The following TBC1D26 variants were observed in gnomAD, a reference collection of about 807,000 sequenced individuals.
TBC1D26 encodes TBC1 domain family member 26, also known as TBC1 domain family, member 26.
TBC1D26 carries 19 observed loss-of-function variants against 42.5 expected under a neutral mutation model. The observed-to-expected ratio is 0.45, with a 90% CI of 0.31 to 0.66. TBC1D26 has a LOEUF of 0.66. Ranked by LOEUF, TBC1D26 falls within the 30% of genes least tolerant of loss-of-function variation. TBC1D26 has a pLI of 0.06. For synonymous variants in TBC1D26, 97 were observed against 123.5 expected (o/e 0.79, Z 1.42); for missense variants, 228 against 332.6 (o/e 0.69, Z 2.45).
At chr17:15,738,499 C>CAG (rs1967685525) in intron 7 of TBC1D26, 112 bp downstream of exon 7, 1 of 1,385,344 alleles carries the variant, frequency 7.2e-7, no homozygotes, top group South Asian at 1.3e-5. Flanking sequence ...GGGCTGTGGT[C>CAG]AGACGCACAT....
chr17:15,740,911 C>T (rs1967758723), intron 9 of TBC1D26: 1 of 667,530 alleles, frequency 1.5e-6, no homozygotes, highest in Admixed American at 3.0e-5. Flanking sequence ...TGCAGGAGTC[C>T]CCCCATGCTC....
chr17:15,736,841 G>T (rs545716923), intron 4 of TBC1D26, among the ~76,000 whole-genome samples: 207 of 152,384 alleles, frequency 1.4e-3, no homozygotes, highest in Non-Finnish European at 2.6e-3. Context: ...TCACTCAGAG[G>T]TTCTGAAAGG....
At chr17:15,740,447 G>A (rs1967747510) in intron 9 of TBC1D26, 10 of 1,355,326 alleles carry the variant, frequency 7.4e-6, no homozygotes, top group African/African-American at 1.5e-5. Flanking sequence ...GGTTTGACAA[G>A]TTGCTGAGGT....
chr17:15,737,553 C>G (rs1967650544), intron 5 of TBC1D26, 30 bp downstream of exon 5: 2 of 1,604,654 alleles, frequency 1.2e-6, no homozygotes, highest in Middle Eastern at 2.0e-4. Context: ...GCGTGGGAGG[C>G]TGCTTCAGGG....
At chr17:15,736,834 C>A (rs1967626032) in intron 4 of TBC1D26, among the ~76,000 whole-genome samples, 1 of 152,286 alleles carries the variant, frequency 6.6e-6, no homozygotes, top group East Asian at 1.9e-4. Context: ...GGAGGTCTCA[C>A]TCAGAGGTTC....
At chr17:15,740,307 C>T (rs1413406555) in intron 9 of TBC1D26, 159 bp downstream of exon 9, 3 of 1,586,290 alleles carry the variant, frequency 1.9e-6, no homozygotes, top group South Asian at 2.3e-5. Flanking sequence ...AGGGCTGAAG[C>T]CCAGACTCCT....
intron 8 of TBC1D26, among the ~76,000 whole-genome samples, 169 bp downstream of exon 8, chr17:15,738,999 T>G (rs530063375): frequency 3.4e-5 from 5 of 145,516 alleles, no homozygotes; most frequent in Admixed American, 2.8e-4. Flanking sequence ...CTCCCGGCTC[T>G]AAGCTCTGGG....
chr17:15,735,268 T>C, intron 2 of TBC1D26, 80 bp from the exon 3 acceptor site: 1 of 1,118,794 alleles, frequency 8.9e-7, no homozygotes, highest in Non-Finnish European at 1.3e-6. Flanking sequence ...GGAGTGTGTC[T>C]GGGAGTGCAG....
chr17:15,738,575 A>C, intron 7 of TBC1D26, 146 bp from the exon 8 acceptor site: 3 of 1,442,864 alleles, frequency 2.1e-6, no homozygotes, highest in Non-Finnish European at 2.9e-6. Context: ...CCCTGGTGTC[A>C]GAAACAAGGT....
chr17:15,741,452 G>T, intron 10 of TBC1D26: 1 of 670,384 alleles, frequency 1.5e-6, no homozygotes, highest in Non-Finnish European at 2.4e-6. Context: ...TAACATCAGA[G>T]GGCATGGATA....
At chr17:15,738,676 T>C (rs1443098296) in intron 7 of TBC1D26, 45 bp from the exon 8 acceptor site, 6 of 1,613,812 alleles carry the variant, frequency 3.7e-6, no homozygotes, top group Non-Finnish European at 5.1e-6. Flanking sequence ...AGGGAGTCTT[T>C]TGTCTGTTCT....
At position 15,740,129 on chromosome 17, in the gene TBC1D26, C is replaced by T. The variant is rs758806406; in HGVS notation, c.527C>T (p.Ala176Val). The T allele has an allele frequency of 3.1e-5, 50 of 1,613,974 alleles. No individual in the cohort carries two copies. In the Middle Eastern group the frequency reaches 1.8e-3, roughly 58 times the overall value. The change falls in exon 9 of 15, where the codon GCC (alanine) becomes GTC (valine). Residue 176 changes from alanine (A) to valine (V), a missense_variant. By Grantham distance (64) the Ala-to-Val change is moderately conservative. This residue lies in a region of TBC1D26 where 130 missense variants were observed against 168.5 expected (regional missense o/e 0.77). Transcript: ENST00000437605. ...CAGGAATTATGTGACATCCTCGTGG[C>T]CTATTCTGCATATAACCCTGTGAGT... ...KQQELCDILVAYSAYNPEVGY... is the reference protein window; with the variant it reads ...KQQELCDILVVYSAYNPEVGY...
At chr17:15,733,441 G>C (rs1967530760) in intron 1 of TBC1D26, among the ~76,000 whole-genome samples, 1 of 152,152 alleles carries the variant, frequency 6.6e-6, no homozygotes, top group African/African-American at 2.4e-5. Context: ...CCCCTAATGA[G>C]GGGCCCTGTC....
At chr17:15,737,861 C>T (rs1967661245) in intron 5 of TBC1D26, 136 bp from the exon 6 acceptor site, 1 of 1,117,218 alleles carries the variant, frequency 9.0e-7, no homozygotes, top group Non-Finnish European at 1.3e-6. Context: ...CAGAGGGTCT[C>T]AGCCCCTGGG....
intron 11 of TBC1D26, 40 bp from the exon 12 acceptor site, chr17:15,742,374 C>A: frequency 2.6e-6 from 1 of 391,500 alleles, no homozygotes; most frequent in Non-Finnish European, 4.7e-6. Context: ...GATTTCAGGG[C>A]AGCCCAGGGG....
At chr17:15,740,199 G>C in intron 9 of TBC1D26, 51 bp downstream of exon 9, 8 of 1,614,196 alleles carry the variant, frequency 5.0e-6, no homozygotes, top group Non-Finnish European at 6.8e-6. Context: ...CATATTCACA[G>C]GCATGGGTGT....
At chr17:15,740,583 G>A (rs1300062674) in intron 9 of TBC1D26, 1 of 1,098,854 alleles carries the variant, frequency 9.1e-7, no homozygotes. Context: ...AGCAGATAGG[G>A]AGGGGGGTCA....
rs755388267 is a variant in TBC1D26, at chr17:15,737,531, C to A, written c.198+8C>A. On this transcript the variant is annotated splice_region_variant and intron_variant, in intron 5 of 14. Coordinates refer to ENST00000437605, the MANE Select transcript of TBC1D26 (RefSeq NM_001388465.1). ...AGTGCCCTGGAGGTGAAGGTAAGAG[C>A]CTGTGCCTGCTGCGTGGGAGGCTGC... The A allele has an allele frequency of 4.5e-5, 71 of 1,589,220 alleles. No individual in the cohort carries two copies. Among genetic ancestry groups the A allele is most frequent in the Non-Finnish European group, 1.7e-5 (20 of 1,165,150 alleles).
Position 15,741,312 on chromosome 17 carries a change from G to C in TBC1D26, c.646+91G>C, listed in dbSNP as rs572791405. The C allele has an allele frequency of 3.3e-5, 53 of 1,594,180 alleles. No individual in the cohort carries two copies. In the South Asian group the frequency reaches 5.3e-4, roughly 16 times the overall value. On this transcript the variant is annotated intron_variant, in intron 10 of 14. Transcript: ENST00000437605. ...GACAGCCACCCTGGCCGGTGACCCTGACTTCCAGGCAAGGTGCCTGCCTTG... is the reference window on the plus strand; with the variant it reads ...GACAGCCACCCTGGCCGGTGACCCTCACTTCCAGGCAAGGTGCCTGCCTTG...
Sources: allele counts gnomAD v4.1 joint callset (sites outside exome capture counted in the v4.1 genomes callset), GRCh38; gene constraint gnomAD v4.1.1; regional missense constraint gnomAD v4.1.1; transcripts MANE v1.5; gene names NCBI Gene and HGNC (gene_info 2026-07-23, HGNC 2026-07-21).